The following TRPC6 variants were observed in gnomAD, a reference collection of about 807,000 sequenced individuals.
TRPC6 encodes the protein short transient receptor potential channel 6.
A neutral mutation model predicts 90.7 loss-of-function variants in TRPC6; 55 were observed. That is an observed-to-expected ratio of 0.61 (90% CI 0.49 to 0.76). The LOEUF (loss-of-function observed/expected upper bound fraction) is 0.76, where lower values mean the gene tolerates loss of function less well. Ranked by LOEUF, TRPC6 falls within the 30% of genes least tolerant of loss-of-function variation. TRPC6 has a pLI of 0.00. For missense variants in TRPC6, 989 were observed against 1,122.7 expected (o/e 0.88, Z 1.70); for synonymous variants, 393 against 393.0 (o/e 1.00, Z 0.00).
intron 10 of TRPC6, among the ~76,000 whole-genome samples, chr11:101,467,056 A>G (rs929181556): frequency 2.1e-4 from 32 of 152,176 alleles, no homozygotes; most frequent in African/African-American, 5.5e-4. Flanking sequence ...GCCAGTCCCT[A>G]TGAGATGAAC....
intron 1 of TRPC6, among the ~76,000 whole-genome samples, chr11:101,563,655 A>G (rs1861764501): frequency 6.6e-6 from 1 of 152,112 alleles, no homozygotes; most frequent in Non-Finnish European, 1.5e-5. Context: ...TGGAGTGAGG[A>G]TAAAGAGGAT....
At chr11:101,571,795 G>A (rs778969973) in intron 1 of TRPC6, among the ~76,000 whole-genome samples, 67 of 152,172 alleles carry the variant, frequency 4.4e-4, no homozygotes, top group Non-Finnish European at 5.9e-4. Context: ...AATAAATGGT[G>A]TTGGGAAAAC....
chr11:101,467,301 A>G (rs1333279891), intron 10 of TRPC6, among the ~76,000 whole-genome samples: 1 of 151,936 alleles, frequency 6.6e-6, no homozygotes, highest in African/African-American at 2.4e-5. Context: ...TAGGCCTAGT[A>G]TTATTTCTCT....
chr11:101,552,968 G>C (rs1156579058), intron 1 of TRPC6, among the ~76,000 whole-genome samples: 1 of 152,082 alleles, frequency 6.6e-6, no homozygotes, highest in African/African-American at 2.4e-5. Flanking sequence ...TCTTTTATCA[G>C]ATAACGGCTG....
intron 2 of TRPC6, among the ~76,000 whole-genome samples, chr11:101,500,593 A>G (rs1299854182): frequency 6.6e-6 from 1 of 152,160 alleles, no homozygotes; most frequent in African/African-American, 2.4e-5. Context: ...AACTCTTTCC[A>G]GAGTATTTTC....
chr11:101,535,023 G>T (rs1393196991), intron 1 of TRPC6, among the ~76,000 whole-genome samples: 4 of 151,960 alleles, frequency 2.6e-5, no homozygotes, highest in Admixed American at 1.3e-4. Flanking sequence ...AAAATTAGTT[G>T]GGCATGGTAG....
chr11:101,494,139 C>A (rs1403897225), intron 2 of TRPC6, among the ~76,000 whole-genome samples: 4 of 152,046 alleles, frequency 2.6e-5, no homozygotes, highest in Non-Finnish European at 4.4e-5. Flanking sequence ...TAGGGCCATG[C>A]GGACGAACTC....
chr11:101,558,550 T>G (rs991419040), intron 1 of TRPC6, among the ~76,000 whole-genome samples: 1 of 150,406 alleles, frequency 6.6e-6, no homozygotes, highest in African/African-American at 2.5e-5. Flanking sequence ...TTATGTATGG[T>G]CGATTGATTT....
intron 5 of TRPC6, among the ~76,000 whole-genome samples, chr11:101,477,475 C>A (rs1334205629): frequency 6.6e-6 from 1 of 152,030 alleles, no homozygotes; most frequent in Non-Finnish European, 1.5e-5. Flanking sequence ...TTAAAACCAG[C>A]ACAGTGACAG....
At chr11:101,566,831 C>A (rs1441490571) in intron 1 of TRPC6, among the ~76,000 whole-genome samples, 1 of 152,156 alleles carries the variant, frequency 6.6e-6, no homozygotes, top group South Asian at 2.1e-4. Context: ...CTGTACCGTG[C>A]ACTCCAGCCC....
Position 101,456,618 on chromosome 11 carries a change from CT to C in TRPC6, c.2485-1518del, listed in dbSNP as rs1288714053. 2.0e-5 allele frequency among the ~76,000 whole-genome samples: 3 copies of C among 152,140 alleles called. No homozygotes were observed. In the East Asian group the frequency reaches 5.8e-4, roughly 29 times the overall value. ...CATTATGGAATGCTTAGCAGCACCC[CT>C]GGCCTCTAATCTACAGACTAGATGC... On this transcript the variant is annotated intron_variant, in intron 10 of 12. Coordinates refer to ENST00000344327, the MANE Select transcript of TRPC6 (RefSeq NM_004621.6).
At chr11:101,578,186 C>A (rs987131519) in intron 1 of TRPC6, among the ~76,000 whole-genome samples, 1 of 152,060 alleles carries the variant, frequency 6.6e-6, no homozygotes, top group East Asian at 1.9e-4. Flanking sequence ...GACGTGTGAA[C>A]AAATAAATGT....
chr11:101,566,646 GA>G (rs1861838990), intron 1 of TRPC6, among the ~76,000 whole-genome samples: 1 of 152,190 alleles, frequency 6.6e-6, no homozygotes, highest in Non-Finnish European at 1.5e-5. Context: ...GATAGACGCA[GA>G]AGGCAGGTAA....
chr11:101,508,025 T>C (rs1860313526), intron 1 of TRPC6, among the ~76,000 whole-genome samples: 4 of 152,102 alleles, frequency 2.6e-5, no homozygotes, highest in African/African-American at 7.2e-5. Flanking sequence ...CTTTAGATTA[T>C]ATCTATGAAA....
chr11:101,541,385 G>A (rs997264213), intron 1 of TRPC6, among the ~76,000 whole-genome samples: 1 of 151,546 alleles, frequency 6.6e-6, no homozygotes, highest in African/African-American at 2.4e-5. Context: ...GTTTTGAGAC[G>A]GAGTTTCGCT....
chr11:101,459,074 A>G (rs891642806), intron 10 of TRPC6, among the ~76,000 whole-genome samples: 1 of 152,232 alleles, frequency 6.6e-6, no homozygotes, highest in Non-Finnish European at 1.5e-5. Flanking sequence ...AGTTTAATGT[A>G]TGTCGTAAAA....
chr11:101,494,235 G>C (rs1276732066), intron 2 of TRPC6, among the ~76,000 whole-genome samples: 2 of 152,104 alleles, frequency 1.3e-5, no homozygotes, highest in African/African-American at 4.8e-5. Flanking sequence ...GGATATACCT[G>C]TAATCAATCC....
intron 1 of TRPC6, among the ~76,000 whole-genome samples, chr11:101,516,556 T>C (rs1330094742): frequency 6.6e-6 from 1 of 152,172 alleles, no homozygotes; most frequent in Non-Finnish European, 1.5e-5. Context: ...ACAATACAAA[T>C]TAGCTCAAAA....
chr11:101,547,646 T>C (rs1328406001), intron 1 of TRPC6, among the ~76,000 whole-genome samples: 1 of 152,180 alleles, frequency 6.6e-6, no homozygotes, highest in Non-Finnish European at 1.5e-5. Context: ...AAGCAATAAG[T>C]TATCAGAAAT....
Sources: gnomAD v4.1 joint callset for allele counts (sites outside exome capture counted in the v4.1 genomes callset) on GRCh38, gnomAD v4.1.1 for gene constraint, MANE v1.5 for transcripts, NCBI Gene and HGNC (gene_info 2026-07-23, HGNC 2026-07-21) for gene names.